The following SLIT2 variants were observed in gnomAD, a reference collection of about 807,000 sequenced individuals.
SLIT2 encodes slit homolog 2 protein.
A neutral mutation model predicts 185.7 loss-of-function variants in SLIT2; 41 were observed. That is an observed-to-expected ratio of 0.22 (90% CI 0.17 to 0.29). The LOEUF (loss-of-function observed/expected upper bound fraction) is 0.29. Ranked by LOEUF, SLIT2 falls within the 10% of genes least tolerant of loss-of-function variation. The pLI is 1.00. For synonymous variants in SLIT2, 693 were observed against 680.2 expected, an observed-to-expected ratio of 1.02 and a Z score of -0.29; for missense variants, 1,571 against 1,909.0, an observed-to-expected ratio of 0.82 and a Z score of 3.30.
chr4:20,533,850 A>G (rs957398189), intron 18 of SLIT2, 135 bp downstream of exon 18: 4 of 714,404 alleles, frequency 5.6e-6, no homozygotes, highest in Admixed American at 5.0e-5. Flanking sequence ...TCTGTTACAC[A>G]CACATACACA....
At chr4:20,359,766 G>A (rs1265313517) in intron 4 of SLIT2, among the ~76,000 whole-genome samples, 3 of 152,042 alleles carry the variant, frequency 2.0e-5, no homozygotes, top group African/African-American at 4.8e-5. Flanking sequence ...ACAAATGTGG[G>A]GGAAGTAAGG....
At chr4:20,553,487 A>C (rs565461139) in intron 25 of SLIT2, among the ~76,000 whole-genome samples, 47 of 152,340 alleles carry the variant, frequency 3.1e-4, no homozygotes, top group African/African-American at 1.1e-3. Flanking sequence ...TGAAATAGTA[A>C]TGCACTCGGT....
intron 30 of SLIT2, among the ~76,000 whole-genome samples, chr4:20,592,797 C>G (rs535610283): frequency 1.3e-5 from 2 of 152,052 alleles, no homozygotes; most frequent in Non-Finnish European, 2.9e-5. Flanking sequence ...CACTTAGAGT[C>G]TATTTAACTT....
intron 4 of SLIT2, among the ~76,000 whole-genome samples, chr4:20,387,927 C>T (rs1183712783): frequency 6.6e-6 from 1 of 152,024 alleles, no homozygotes; most frequent in Non-Finnish European, 1.5e-5. Context: ...GCCACTTCTA[C>T]CCCAAAGCAA....
chr4:20,426,858 A>G (rs1243156990), intron 4 of SLIT2, among the ~76,000 whole-genome samples: 1 of 152,116 alleles, frequency 6.6e-6, no homozygotes, highest in Non-Finnish European at 1.5e-5. Context: ...GGAAGATTTC[A>G]TTGTTTTTCC....
chr4:20,455,685 TG>T lies in SLIT2; in HGVS notation c.396-12060del, dbSNP rs561910718. Among the ~76,000 whole-genome samples, 553 of 152,030 alleles carry T rather than the reference TG, an allele frequency of 3.6e-3. 5 individuals are homozygous for T. The highest frequency in any genetic ancestry group is 0.013 in the African/African-American group (536 of 41,492). ...ACTGCTAATGAGTACACAGCTTTTTTGGGGGGGTAATGAAAATGTCCTGAGA... is the reference window on the plus strand; with the variant it reads ...ACTGCTAATGAGTACACAGCTTTTTTGGGGGGTAATGAAAATGTCCTGAGA... On this transcript the variant is annotated intron_variant, in intron 4 of 36. Transcript: ENST00000504154.
intron 5 of SLIT2, among the ~76,000 whole-genome samples, chr4:20,472,350 A>C (rs1271109689): frequency 2.3e-5 from 2 of 85,732 alleles, no homozygotes; most frequent in Non-Finnish European, 4.2e-5. Context: ...ATATATAGAT[A>C]TAGATATCTA....
chr4:20,327,823 T>G (rs1446713823), intron 4 of SLIT2, among the ~76,000 whole-genome samples: 1 of 152,110 alleles, frequency 6.6e-6, no homozygotes, highest in Non-Finnish European at 1.5e-5. Context: ...GGGACTCTGA[T>G]TTCTGTCAAA....
Position 20,496,615 on chromosome 4 carries a change from G to C in SLIT2, c.914+4716G>C, listed in dbSNP as rs146349947. Among the ~76,000 whole-genome samples the C allele has an allele frequency of 8.5e-5, 13 of 152,064 alleles. No homozygotes were observed. In the South Asian group the frequency reaches 1.7e-3, roughly 19 times the overall value. ...CTGCTTTTGACTGTCCCTAATTATC[G>C]TATTTTGTAATTATATACTATTGTG... On this transcript the variant is annotated intron_variant, in intron 9 of 36. Coordinates refer to ENST00000504154, the MANE Select transcript of SLIT2 (RefSeq NM_004787.4).
intron 5 of SLIT2, among the ~76,000 whole-genome samples, chr4:20,476,219 T>A (rs1198591192): frequency 6.6e-6 from 1 of 152,166 alleles, no homozygotes; most frequent in East Asian, 1.9e-4. Flanking sequence ...TAGACATTTG[T>A]ATTGACTTGA....
chr4:20,412,504 G>C (rs1727335068), intron 4 of SLIT2, among the ~76,000 whole-genome samples: 1 of 151,930 alleles, frequency 6.6e-6, no homozygotes, highest in Admixed American at 6.6e-5. Context: ...TAATTGTTTT[G>C]TATGCTATGA....
chr4:20,266,532 A>G (rs1166489516), intron 3 of SLIT2, among the ~76,000 whole-genome samples: 3 of 152,130 alleles, frequency 2.0e-5, no homozygotes, highest in African/African-American at 7.2e-5. Context: ...GCTGAAATAT[A>G]TCAAAATACT....
intron 4 of SLIT2, among the ~76,000 whole-genome samples, chr4:20,430,048 G>A (rs1728853161): frequency 6.6e-6 from 1 of 151,910 alleles, no homozygotes; most frequent in African/African-American, 2.4e-5. Flanking sequence ...TTTTACAATT[G>A]TATAGAACAT....
rs149607898 is a variant in SLIT2, at chr4:20,488,893, G to C, written c.686G>C (p.Arg229Pro). 5 of 1,612,826 alleles carry C rather than the reference G, an allele frequency of 3.1e-6. 1 individual carries two copies. The African/African-American group carries it at 5.3e-5, about 17-fold the overall frequency. The change falls in exon 8 of 37, where the codon CGG becomes CCG. Residue 229 changes from arginine to proline, a missense_variant. Arg to Pro is a moderately radical substitution (Grantham distance 103). Coordinates refer to ENST00000504154, the MANE Select transcript of SLIT2 (RefSeq NM_004787.4). ...WLSDWLRQRP[R>P]VGLYTQCMGP... ...TCCGACTGGCTTCGCCAAAGGCCTC[G>C]GGTTGGTCTGTACACTCAGTGTATG... is the stretch of plus-strand genomic sequence containing the variant.
At chr4:20,580,883 A>G (rs1726505488) in intron 29 of SLIT2, among the ~76,000 whole-genome samples, 1 of 152,188 alleles carries the variant, frequency 6.6e-6, no homozygotes, top group African/African-American at 2.4e-5. Context: ...TTATAGTCCT[A>G]AAAGAAAACT....
At chr4:20,463,988 G>A (rs904609106) in intron 4 of SLIT2, among the ~76,000 whole-genome samples, 3 of 151,500 alleles carry the variant, frequency 2.0e-5, no homozygotes, top group Admixed American at 1.3e-4. Context: ...AGTGACCCCT[G>A]TGACCTCTCT....
At chr4:20,606,428 G>A (rs907650011) in intron 33 of SLIT2, among the ~76,000 whole-genome samples, 2 of 151,522 alleles carry the variant, frequency 1.3e-5, no homozygotes, top group African/African-American at 4.9e-5. Flanking sequence ...GCTGCAGTGA[G>A]CCGTAATTAT....
chr4:20,600,156 T>A (rs1728295868), intron 33 of SLIT2, among the ~76,000 whole-genome samples: 1 of 152,212 alleles, frequency 6.6e-6, no homozygotes, highest in South Asian at 2.1e-4. Context: ...TTTTTAATTT[T>A]TTTTTAATTT....
At chr4:20,272,281 AAAAAT>A (rs1713709001) in intron 4 of SLIT2, among the ~76,000 whole-genome samples, 1 of 151,134 alleles carries the variant, frequency 6.6e-6, no homozygotes, top group African/African-American at 2.5e-5. Flanking sequence ...TAAAAAAAAA[AAAAAT>A]AAGCCAGCAT....
Sources: gnomAD v4.1 joint callset for allele counts (sites outside exome capture counted in the v4.1 genomes callset) on GRCh38, gnomAD v4.1.1 for gene constraint, MANE v1.5 for transcripts, NCBI Gene and HGNC (gene_info 2026-07-23, HGNC 2026-07-21) for gene names.